Variants in HORMAD2 observed in about 807,000 individuals in gnomAD.
HORMAD2 encodes the protein HORMA domain-containing protein 2.
A neutral mutation model predicts 38.8 loss-of-function variants in HORMAD2; 45 were observed. That is an observed-to-expected ratio of 1.16 (90% CI 0.91 to 1.49). The LOEUF (loss-of-function observed/expected upper bound fraction) is 1.49, where lower values mean the gene tolerates loss of function less well. HORMAD2 is among the 40% of genes most tolerant of loss of function. The pLI, the probability that HORMAD2 is intolerant of heterozygous loss-of-function variation, is 0.00. For missense variants in HORMAD2, 338 were observed against 367.0 expected (o/e 0.92, Z 0.65); for synonymous variants, 126 against 122.8 (o/e 1.03, Z -0.17).
At chr22:30,081,595 T>C (rs2068476218) in intron 1 of HORMAD2, among the ~76,000 whole-genome samples, 1 of 147,942 alleles carries the variant, frequency 6.8e-6, no homozygotes, top group Non-Finnish European at 1.5e-5. Flanking sequence ...TTTTTTTTTG[T>C]GAGATGGAGT....
intron 5 of HORMAD2, chr22:30,105,352 C>A: frequency 6.2e-6 from 1 of 162,312 alleles, no homozygotes. Flanking sequence ...TGCTCACATT[C>A]TTGGTCACCT....
intron 10 of HORMAD2, among the ~76,000 whole-genome samples, chr22:30,127,299 C>A (rs1403347324): frequency 7.1e-6 from 1 of 141,576 alleles, no homozygotes; most frequent in Non-Finnish European, 1.5e-5. Flanking sequence ...ACCTCTGCTT[C>A]CCTGATTCAA....
upstream of HORMAD2, among the ~76,000 whole-genome samples, chr22:30,079,046 A>G (rs183493956): frequency 2.0e-5 from 3 of 152,318 alleles, no homozygotes; most frequent in East Asian, 5.8e-4. Flanking sequence ...ACTTGCACTA[A>G]AAGAATATTT....
intron 10 of HORMAD2, among the ~76,000 whole-genome samples, chr22:30,129,343 G>GGCTGAAGA (rs945791362): frequency 6.6e-6 from 1 of 150,972 alleles, no homozygotes; most frequent in African/African-American, 2.4e-5. Flanking sequence ...TTAGAATTGT[G>GGCTGAAGA]GCTGAAGAGA....
Position 30,139,324 on chromosome 22 carries a change from T to A in HORMAD2, c.819+17110T>A, listed in dbSNP as rs187355999. Reference sequence around the variant, plus strand: ...CTCTCTCTACATACATATATATATATAAATAACCTGTCTCTCTCTCTACAT... The same window carrying A: ...CTCTCTCTACATACATATATATATAAAAATAACCTGTCTCTCTCTCTACAT... On this transcript the variant is annotated intron_variant, in intron 10 of 10. Transcript: ENST00000336726. Among the ~76,000 whole-genome samples, 617 of 145,840 alleles carry A rather than the reference T, an allele frequency of 4.2e-3. 8 individuals are homozygous for A. The highest frequency in any genetic ancestry group is 0.015 in the African/African-American group (583 of 39,740).
intron 8 of HORMAD2, among the ~76,000 whole-genome samples, chr22:30,119,421 C>T (rs1415267521): frequency 6.6e-6 from 1 of 152,162 alleles, no homozygotes; most frequent in Non-Finnish European, 1.5e-5. Flanking sequence ...AGATAATACC[C>T]TTGGACTATT....
At chr22:30,159,402 C>T (rs1266427523) in intron 10 of HORMAD2, among the ~76,000 whole-genome samples, 3 of 152,120 alleles carry the variant, frequency 2.0e-5, no homozygotes, top group Non-Finnish European at 1.5e-5. Flanking sequence ...ATAATCTAGC[C>T]ATATTCTGTA....
chr22:30,102,451 T>G (rs1400760366), intron 3 of HORMAD2, among the ~76,000 whole-genome samples: 1 of 152,226 alleles, frequency 6.6e-6, no homozygotes, highest in Admixed American at 6.5e-5. Flanking sequence ...AATACTCCTG[T>G]GTCACTCTCT....
At chr22:30,173,981 A>G (rs1394828111) in intron 10 of HORMAD2, among the ~76,000 whole-genome samples, 1 of 152,196 alleles carries the variant, frequency 6.6e-6, no homozygotes, top group Non-Finnish European at 1.5e-5. Flanking sequence ...GGCTCCCCAA[A>G]TGGAGAATGT....
chr22:30,097,278 C>T (rs1239877756), intron 2 of HORMAD2, among the ~76,000 whole-genome samples: 1 of 152,216 alleles, frequency 6.6e-6, no homozygotes, highest in Non-Finnish European at 1.5e-5. Context: ...ATATTCTACT[C>T]TTGGTAGACA....
intron 10 of HORMAD2, among the ~76,000 whole-genome samples, chr22:30,165,077 T>C (rs1178369683): frequency 6.6e-6 from 1 of 152,230 alleles, no homozygotes; most frequent in Non-Finnish European, 1.5e-5. Context: ...GGTTTAGGTC[T>C]TTGATCCTTT....
intron 10 of HORMAD2, among the ~76,000 whole-genome samples, chr22:30,170,438 G>A (rs890390820): frequency 1.3e-5 from 2 of 152,090 alleles, no homozygotes; most frequent in African/African-American, 4.8e-5. Flanking sequence ...TCTGCTTTTA[G>A]TAGGCTGACA....
chr22:30,160,811 C>A (rs1925397065), intron 10 of HORMAD2, among the ~76,000 whole-genome samples: 1 of 152,070 alleles, frequency 6.6e-6, no homozygotes, highest in African/African-American at 2.4e-5. Context: ...TATATTTTTT[C>A]AAAGCTAGAT....
chr22:30,196,530 C>G, the HORMAD2 span, among the ~76,000 whole-genome samples: 1 of 152,206 alleles, frequency 6.6e-6, no homozygotes, highest in East Asian at 1.9e-4. Flanking sequence ...TACTCAGTTA[C>G]AATTACCTTC....
At chr22:30,181,753 G>T (rs1179519971), downstream of HORMAD2, among the ~76,000 whole-genome samples, 1 of 152,180 alleles carries the variant, frequency 6.6e-6, no homozygotes, top group Admixed American at 6.5e-5. Context: ...TGCGGATTTG[G>T]CCTCAACCTA....
At chr22:30,086,221 G>A (rs1226635311) in intron 1 of HORMAD2, among the ~76,000 whole-genome samples, 2 of 152,112 alleles carry the variant, frequency 1.3e-5, no homozygotes, top group African/African-American at 4.8e-5. Flanking sequence ...ATGGTTGTAA[G>A]TTTCCTGAGG....
At chr22:30,122,859 G>A (rs1323028656) in intron 10 of HORMAD2, among the ~76,000 whole-genome samples, 1 of 152,106 alleles carries the variant, frequency 6.6e-6, no homozygotes, top group Non-Finnish European at 1.5e-5. Context: ...ACCCTTAACT[G>A]GTGGTTGTCT....
intron 3 of HORMAD2, among the ~76,000 whole-genome samples, chr22:30,102,171 T>C (rs1164009635): frequency 6.6e-6 from 1 of 152,234 alleles, no homozygotes; most frequent in African/African-American, 2.4e-5. Flanking sequence ...TCATTTGTAT[T>C]ATGACATCTT....
chr22:30,177,092 T>C (rs1926502901), downstream of HORMAD2: 1 of 152,560 alleles, frequency 6.6e-6, no homozygotes, highest in Non-Finnish European at 1.5e-5. Context: ...TTTTTGCTCA[T>C]CTTTTTTCAC....
Sources: gnomAD v4.1 joint callset for allele counts (sites outside exome capture counted in the v4.1 genomes callset) on GRCh38, gnomAD v4.1.1 for gene constraint, MANE v1.5 for transcripts, NCBI Gene and HGNC (gene_info 2026-07-23, HGNC 2026-07-21) for gene names.